CSMD1: variants seen among roughly 807,000 people sequenced by gnomAD.
The protein encoded by CSMD1 is CUB and sushi domain-containing protein 1.
Under a neutral mutation model 417.5 loss-of-function variants are expected in CSMD1, and 213 were observed. The ratio of observed to expected loss-of-function variants is 0.51; its 90% CI spans 0.46 to 0.57. CSMD1 has a LOEUF of 0.57. Among genes scored for constraint, CSMD1 ranks in the 20% least tolerant of loss-of-function variants. CSMD1 has a pLI of 0.00. For missense variants in CSMD1, 6,923 were observed against 4,529.7 expected, an observed-to-expected ratio of 1.53 and a Z score of -15.17; for synonymous variants, 2,862 against 1,736.8, an observed-to-expected ratio of 1.65 and a Z score of -16.11.
At chr8:4,311,770 G>A (rs949251522) in intron 3 of CSMD1, among the ~76,000 whole-genome samples, 5 of 150,724 alleles carry the variant, frequency 3.3e-5, no homozygotes, top group African/African-American at 1.2e-4. Flanking sequence ...AGTTCATAGA[G>A]GGGAACACAT....
intron 7 of CSMD1, among the ~76,000 whole-genome samples, chr8:3,671,885 C>T (rs969303943): frequency 1.3e-5 from 2 of 152,014 alleles, no homozygotes; most frequent in African/African-American, 4.8e-5. Flanking sequence ...GGAGATGGGG[C>T]ACCCACCCTC....
chr8:3,503,012 T>G (rs1585264527), intron 10 of CSMD1, among the ~76,000 whole-genome samples: 1 of 152,262 alleles, frequency 6.6e-6, no homozygotes, highest in East Asian at 1.9e-4. Flanking sequence ...ACGGGGAAAC[T>G]ATGTCTTCTG....
At chr8:3,595,861 C>G (rs77766883) in intron 8 of CSMD1, among the ~76,000 whole-genome samples, 1 of 152,160 alleles carries the variant, frequency 6.6e-6, no homozygotes, top group African/African-American at 2.4e-5. Flanking sequence ...ACTGTGTGAA[C>G]GTGGAAGAGG....
intron 37 of CSMD1, among the ~76,000 whole-genome samples, chr8:3,175,843 T>G (rs1213604443): frequency 6.6e-6 from 1 of 152,202 alleles, no homozygotes; most frequent in Non-Finnish European, 1.5e-5. Context: ...TTCCTAGTAG[T>G]GAATGTGAAT....
At chr8:3,310,844 C>G (rs920434873) in intron 23 of CSMD1, among the ~76,000 whole-genome samples, 4 of 151,270 alleles carry the variant, frequency 2.6e-5, no homozygotes, top group African/African-American at 9.7e-5. Flanking sequence ...CCAATGTGAC[C>G]CGAACTTCTC....
intron 30 of CSMD1, among the ~76,000 whole-genome samples, chr8:3,207,455 T>G (rs935668413): frequency 6.6e-6 from 1 of 152,070 alleles, no homozygotes; most frequent in African/African-American, 2.4e-5. Context: ...AATGGCAATT[T>G]TCAAGCCTCA....
chr8:3,088,987 C>T (rs578078789), intron 48 of CSMD1, among the ~76,000 whole-genome samples: 3 of 152,234 alleles, frequency 2.0e-5, no homozygotes, highest in South Asian at 2.1e-4. Context: ...AATAAGGCTC[C>T]GTTTTCTTTT....
chr8:3,976,712 C>T (rs867045556), intron 5 of CSMD1, among the ~76,000 whole-genome samples: 28 of 152,278 alleles, frequency 1.8e-4, no homozygotes, highest in Middle Eastern at 3.4e-3. Flanking sequence ...CCCTTTTAAT[C>T]TCCACAAGAA....
chr8:4,035,655 T>A (rs536338921), intron 3 of CSMD1, among the ~76,000 whole-genome samples: 2 of 152,232 alleles, frequency 1.3e-5, no homozygotes, highest in Admixed American at 1.3e-4. Flanking sequence ...CAAACTCTTA[T>A]GAATAACAAT....
chr8:3,512,225 G>A (rs1053309343), intron 10 of CSMD1, among the ~76,000 whole-genome samples: 9 of 152,184 alleles, frequency 5.9e-5, no homozygotes, highest in Non-Finnish European at 8.8e-5. Context: ...CGCTCCTCGC[G>A]GGTCCACGTG....
intron 2 of CSMD1, among the ~76,000 whole-genome samples, chr8:4,585,272 C>A (rs1421029449): frequency 6.6e-6 from 1 of 152,074 alleles, no homozygotes; most frequent in Non-Finnish European, 1.5e-5. Flanking sequence ...GGAAATTCTG[C>A]AGTTGAAATA....
intron 1 of CSMD1, among the ~76,000 whole-genome samples, chr8:4,917,372 C>G (rs540567950): frequency 6.6e-6 from 1 of 152,192 alleles, no homozygotes; most frequent in Admixed American, 6.5e-5. Flanking sequence ...CGGCGGCTCA[C>G]GCCTGTAACC....
chr8:4,611,663 T>C (rs938798094), intron 2 of CSMD1, among the ~76,000 whole-genome samples: 1 of 152,226 alleles, frequency 6.6e-6, no homozygotes, highest in African/African-American at 2.4e-5. Flanking sequence ...AAAGTGTGTC[T>C]TGTGTTCATT....
intron 1 of CSMD1, among the ~76,000 whole-genome samples, chr8:4,800,964 C>A (rs562123615): frequency 2.0e-5 from 3 of 152,326 alleles, no homozygotes; most frequent in African/African-American, 7.2e-5. Context: ...AAGCAGACTT[C>A]TTTCCTTAGT....
At chr8:4,063,895 T>C (rs1051023575) in intron 3 of CSMD1, among the ~76,000 whole-genome samples, 9 of 152,178 alleles carry the variant, frequency 5.9e-5, no homozygotes, top group African/African-American at 9.7e-5. Context: ...AAATATCAAA[T>C]CGTGCACAAT....
At chr8:4,770,160 T>A (rs760391877) in intron 1 of CSMD1, among the ~76,000 whole-genome samples, 62 of 150,812 alleles carry the variant, frequency 4.1e-4, no homozygotes, top group African/African-American at 1.4e-3. Context: ...ACAGATTCAA[T>A]ACATATTCCT....
At chr8:3,509,471 C>T (rs1474791507) in intron 10 of CSMD1, among the ~76,000 whole-genome samples, 3 of 152,158 alleles carry the variant, frequency 2.0e-5, no homozygotes, top group African/African-American at 4.8e-5. Flanking sequence ...TTGCACAAGT[C>T]GTTGAACTAT....
chr8:3,819,496 T>C (rs1002458936), intron 5 of CSMD1, among the ~76,000 whole-genome samples: 13 of 151,830 alleles, frequency 8.6e-5, no homozygotes, highest in African/African-American at 3.1e-4. Flanking sequence ...CTTTCTATTC[T>C]CCAAGAATGC....
chr8:4,041,812 C>CAA (rs1282550346), intron 3 of CSMD1, among the ~76,000 whole-genome samples: 2 of 151,688 alleles, frequency 1.3e-5, no homozygotes, highest in African/African-American at 4.8e-5. Flanking sequence ...AACATACCCA[C>CAA]AAAAAAACAA....
Sources: allele counts gnomAD v4.1 joint callset (sites outside exome capture counted in the v4.1 genomes callset), GRCh38; gene constraint gnomAD v4.1.1; transcripts MANE v1.5; gene names NCBI Gene and HGNC (gene_info 2026-07-23, HGNC 2026-07-21).